FAM13B: variants seen among roughly 807,000 people sequenced by gnomAD.
FAM13B encodes protein FAM13B.
A neutral mutation model predicts 117.3 loss-of-function variants in FAM13B; 60 were observed. The ratio of observed to expected loss-of-function variants is 0.51; its 90% CI spans 0.42 to 0.63. FAM13B has a LOEUF of 0.63. Among genes scored for constraint, FAM13B ranks in the 30% least tolerant of loss-of-function variants. The pLI is 0.00. For missense variants in FAM13B, 972 were observed against 1,091.9 expected, an observed-to-expected ratio of 0.89 and a Z score of 1.55; for synonymous variants, 332 against 356.1, an observed-to-expected ratio of 0.93 and a Z score of 0.76.
chr5:137,990,592 A>G (rs1447403456), intron 7 of FAM13B, among the ~76,000 whole-genome samples: 1 of 152,132 alleles, frequency 6.6e-6, no homozygotes, highest in Non-Finnish European at 1.5e-5. Context: ...AGGTAAATGG[A>G]TACAAGATAT....
At chr5:137,952,827 T>C in intron 16 of FAM13B, 118 bp from the exon 17 acceptor site, 1 of 619,168 alleles carries the variant, frequency 1.6e-6, no homozygotes, top group Non-Finnish European at 2.8e-6. Flanking sequence ...TCATTTCATC[T>C]TATTTTAATT....
chr5:138,046,398 T>G (rs1016838265), intron 1 of FAM13B, among the ~76,000 whole-genome samples: 1 of 152,026 alleles, frequency 6.6e-6, no homozygotes, highest in Non-Finnish European at 1.5e-5. Context: ...AAGAGAGAGG[T>G]GGTATGTGAC....
chr5:137,992,617 A>C (rs898404467), intron 7 of FAM13B, among the ~76,000 whole-genome samples: 4 of 152,006 alleles, frequency 2.6e-5, no homozygotes, highest in African/African-American at 7.2e-5. Context: ...ATAAAAAAAA[A>C]CCTCCAATGA....
intron 7 of FAM13B, among the ~76,000 whole-genome samples, chr5:137,997,362 G>A (rs1780124866): frequency 6.6e-6 from 1 of 152,082 alleles, no homozygotes; most frequent in Non-Finnish European, 1.5e-5. Flanking sequence ...CCAGCTACTT[G>A]GGAGGCTGAG....
intron 1 of FAM13B, among the ~76,000 whole-genome samples, chr5:138,023,140 C>G (rs1787230067): frequency 6.6e-6 from 1 of 152,142 alleles, no homozygotes; most frequent in African/African-American, 2.4e-5. Context: ...ACCTCTACTA[C>G]CTGCAACCTC....
upstream of FAM13B, chr5:138,034,203 G>A (rs1024593457): frequency 6.6e-6 from 1 of 152,226 alleles, no homozygotes; most frequent in Non-Finnish European, 1.5e-5. Context: ...GTCCAGGAAC[G>A]AGGCAACTGA....
At chr5:137,981,603 C>A (rs935301892) in intron 10 of FAM13B, among the ~76,000 whole-genome samples, 6 of 151,940 alleles carry the variant, frequency 3.9e-5, no homozygotes. Context: ...CTGGCCAACA[C>A]TGTGAAACCC....
At chr5:138,038,819 T>C (rs1266677404) in intron 1 of FAM13B, among the ~76,000 whole-genome samples, 3 of 152,236 alleles carry the variant, frequency 2.0e-5, no homozygotes, top group Admixed American at 6.5e-5. Context: ...CAACACATAT[T>C]TCTTGGGCAG....
chr5:138,009,397 C>T (rs953442325), intron 6 of FAM13B, among the ~76,000 whole-genome samples: 1 of 152,044 alleles, frequency 6.6e-6, no homozygotes, highest in Admixed American at 6.5e-5. Context: ...GGAAATTATC[C>T]TCTTTCCCCA....
At chr5:138,004,862 A>C (rs1166402852) in intron 7 of FAM13B, among the ~76,000 whole-genome samples, 2 of 152,168 alleles carry the variant, frequency 1.3e-5, no homozygotes, top group African/African-American at 4.8e-5. Flanking sequence ...TGGATGACAG[A>C]GCGAGAGACC....
At chr5:138,033,358 G>A (rs529794707), upstream of FAM13B, among the ~76,000 whole-genome samples, 3 of 152,318 alleles carry the variant, frequency 2.0e-5, no homozygotes, top group South Asian at 4.1e-4. Context: ...GGGAAAATCC[G>A]GAACACAGAG....
At position 137,972,306 on chromosome 5, in the gene FAM13B, A is replaced by C. The variant is rs1259900480; in HGVS notation, c.1180-9837T>G. 7.2e-5 allele frequency among the ~76,000 whole-genome samples: 11 copies of C among 151,812 alleles called. No homozygotes were observed. The East Asian group carries it at 1.2e-3, about 16-fold the overall frequency. ...ATCCCTGGGATGCAAGGCTGGTTCAATATACACAAATCAATAAATGTAATC... is the reference window on the plus strand; with the variant it reads ...ATCCCTGGGATGCAAGGCTGGTTCACTATACACAAATCAATAAATGTAATC... On this transcript the variant is annotated intron_variant, in intron 10 of 23. Transcript: ENST00000689681.
chr5:138,024,855 T>C (rs1360426845), intron 1 of FAM13B, among the ~76,000 whole-genome samples: 1 of 147,842 alleles, frequency 6.8e-6, no homozygotes, highest in Non-Finnish European at 1.5e-5. Context: ...AGAGAGAGTT[T>C]TTTGAGTTTG....
At chr5:137,959,501 AG>A (rs1767538398) in intron 13 of FAM13B, 114 bp downstream of exon 13, 2 of 1,074,250 alleles carry the variant, frequency 1.9e-6, no homozygotes, top group Admixed American at 4.6e-5. Flanking sequence ...AAGGGAGAAC[AG>A]AAGATCAAGA....
At position 137,939,778 on chromosome 5, in the gene FAM13B, T is replaced by C; in HGVS notation, c.*447A>G. ...TTGCGTATGTGCACTTTTATAGGCT[T>C]TTCTTTCAAATTTTCAGTCATTCTG... is the stretch of plus-strand genomic sequence containing the variant. On this transcript the variant is annotated 3_prime_UTR_variant, in exon 24 of 24. Transcript: ENST00000689681. The C allele has an allele frequency of 2.8e-6, 3 of 1,067,478 alleles. No homozygotes were observed. Among genetic ancestry groups the C allele is most frequent in the Non-Finnish European group, 3.5e-6 (3 of 852,080 alleles). 66.1% of individuals were successfully genotyped at this position (1,067,478 alleles called of 1,614,324 possible).
chr5:138,018,878 T>C (rs897624670), intron 3 of FAM13B, 77 bp downstream of exon 3: 2 of 1,252,788 alleles, frequency 1.6e-6, no homozygotes, highest in Non-Finnish European at 2.2e-6. Context: ...AAAAAAAAAT[T>C]AAAAATCCAA....
intron 11 of FAM13B, 109 bp from the exon 12 acceptor site, chr5:137,960,323 G>T: frequency 1.7e-6 from 1 of 592,808 alleles, no homozygotes; most frequent in Non-Finnish European, 2.8e-6. Context: ...CATTTACAAT[G>T]TGCGAGGAGA....
chr5:137,961,376 T>C (rs1055272100), intron 11 of FAM13B, among the ~76,000 whole-genome samples: 4 of 152,132 alleles, frequency 2.6e-5, no homozygotes, highest in Non-Finnish European at 5.9e-5. Flanking sequence ...TGGGTCCTTA[T>C]TGTTCTACCA....
chr5:137,997,934 T>C (rs966764715), intron 7 of FAM13B, among the ~76,000 whole-genome samples: 1 of 152,226 alleles, frequency 6.6e-6, no homozygotes, highest in Admixed American at 6.5e-5. Context: ...GTGCCTTGGC[T>C]TCCTACATAA....
Sources: gnomAD v4.1 joint callset for allele counts (sites outside exome capture counted in the v4.1 genomes callset) on GRCh38, gnomAD v4.1.1 for gene constraint, MANE v1.5 for transcripts, NCBI Gene and HGNC (gene_info 2026-07-23, HGNC 2026-07-21) for gene names.